ADAMTSL1: variants seen among roughly 807,000 people sequenced by gnomAD.
ADAMTSL1 encodes ADAMTS-like protein 1.
In ADAMTSL1, 126 loss-of-function variants were observed where a neutral mutation model predicts 201.8. The ratio of observed to expected loss-of-function variants is 0.62; its 90% CI spans 0.54 to 0.72. The LOEUF is 0.72. ADAMTSL1 is among the 30% of genes least tolerant of loss of function. The pLI is 0.00. For missense variants in ADAMTSL1, 2,679 were observed against 2,277.8 expected, an observed-to-expected ratio of 1.18 and a Z score of -3.59; for synonymous variants, 1,121 against 903.4, an observed-to-expected ratio of 1.24 and a Z score of -4.32.
At chr9:18,496,771 T>C (rs1822555807) in intron 1 of ADAMTSL1, among the ~76,000 whole-genome samples, 1 of 152,240 alleles carries the variant, frequency 6.6e-6, no homozygotes, top group Admixed American at 6.5e-5. Flanking sequence ...GAGCCTCAGA[T>C]GTTTCCTTAG....
chr9:18,591,156 C>T (rs999046629), intron 4 of ADAMTSL1, among the ~76,000 whole-genome samples: 3 of 152,070 alleles, frequency 2.0e-5, no homozygotes, highest in Non-Finnish European at 1.5e-5. Context: ...CCATCTATCT[C>T]TCCTTTTAGA....
intron 2 of ADAMTSL1, among the ~76,000 whole-genome samples, chr9:18,391,625 C>A (rs1181376144): frequency 6.6e-6 from 1 of 151,910 alleles, no homozygotes; most frequent in African/African-American, 2.4e-5. Context: ...AAGAATGATT[C>A]TCATGCTGAA....
chr9:18,331,435 A>G (rs779182801), intron 2 of ADAMTSL1, among the ~76,000 whole-genome samples: 1 of 152,232 alleles, frequency 6.6e-6, no homozygotes, highest in Non-Finnish European at 1.5e-5. Context: ...CCTCCTGGAT[A>G]TACTGCAGGG....
chr9:18,177,520 A>G (rs1828223982), intron 2 of ADAMTSL1, among the ~76,000 whole-genome samples: 1 of 152,170 alleles, frequency 6.6e-6, no homozygotes. Context: ...CAGAGATAGA[A>G]ATTTCAGGAC....
intron 1 of ADAMTSL1, among the ~76,000 whole-genome samples, chr9:17,939,704 T>C (rs1276479053): frequency 6.6e-6 from 1 of 152,166 alleles, no homozygotes; most frequent in Non-Finnish European, 1.5e-5. Flanking sequence ...GGCCCATTTA[T>C]TGAACACACA....
At chr9:18,856,628 T>C (rs1298928178) in intron 23 of ADAMTSL1, among the ~76,000 whole-genome samples, 1 of 152,056 alleles carries the variant, frequency 6.6e-6, no homozygotes, top group Non-Finnish European at 1.5e-5. Flanking sequence ...TGGCTAATTT[T>C]TGTATTTTTA....
intron 1 of ADAMTSL1, among the ~76,000 whole-genome samples, chr9:18,047,081 G>A (rs538278186): frequency 9.0e-4 from 137 of 152,126 alleles, no homozygotes; most frequent in African/African-American, 3.2e-3. Context: ...TGACAAGGGT[G>A]AAAATAAAAA....
chr9:18,016,693 C>T (rs1820274212), intron 1 of ADAMTSL1, among the ~76,000 whole-genome samples: 4 of 151,900 alleles, frequency 2.6e-5, no homozygotes, highest in Admixed American at 2.0e-4. Flanking sequence ...CTCCCATGTC[C>T]CATCAAGGTG....
intron 2 of ADAMTSL1, among the ~76,000 whole-genome samples, chr9:18,228,742 C>T (rs1830525581): frequency 6.6e-6 from 1 of 152,014 alleles, no homozygotes. Flanking sequence ...GCCTTGCTCT[C>T]ACAGGAAATG....
intron 4 of ADAMTSL1, among the ~76,000 whole-genome samples, chr9:18,584,125 GC>G (rs2132431179): frequency 6.6e-6 from 1 of 152,256 alleles, no homozygotes; most frequent in African/African-American, 2.4e-5. Context: ...ATGTGTTTTG[GC>G]TGTGTCCCCA....
chr9:18,603,430 A>G, intron 4 of ADAMTSL1, among the ~76,000 whole-genome samples: 1 of 151,810 alleles, frequency 6.6e-6, no homozygotes, highest in South Asian at 2.1e-4. Flanking sequence ...ACTGTGCTAT[A>G]CTGTACTATG....
chr9:18,828,693 T>C (rs1176350582), intron 22 of ADAMTSL1, among the ~76,000 whole-genome samples: 2 of 88,158 alleles, frequency 2.3e-5, no homozygotes, highest in South Asian at 3.3e-4. Context: ...TATATATATA[T>C]AAAATGTGTG....
At chr9:18,602,164 C>G (rs142733810) in intron 4 of ADAMTSL1, among the ~76,000 whole-genome samples, 1 of 152,174 alleles carries the variant, frequency 6.6e-6, no homozygotes, top group Non-Finnish European at 1.5e-5. Flanking sequence ...TTGAGTCATT[C>G]TTCTGCTGCC....
intron 2 of ADAMTSL1, among the ~76,000 whole-genome samples, chr9:18,264,434 A>T (rs1480044072): frequency 6.6e-6 from 1 of 152,234 alleles, no homozygotes; most frequent in Middle Eastern, 3.4e-3. Flanking sequence ...ACCACGTAGG[A>T]GAGCTCTCCT....
chr9:18,856,043 G>A (rs1238724794), intron 23 of ADAMTSL1, among the ~76,000 whole-genome samples: 4 of 152,032 alleles, frequency 2.6e-5, no homozygotes, highest in Admixed American at 2.6e-4. Flanking sequence ...AACTTTCCTG[G>A]CATCTCAGAT....
intron 1 of ADAMTSL1, among the ~76,000 whole-genome samples, chr9:18,135,237 T>C (rs7043481): frequency 0.013 from 2,023 of 152,226 alleles, 40 homozygotes; most frequent in African/African-American, 0.047. Context: ...ATAGTCACAA[T>C]TGAATTCTTT....
intron 2 of ADAMTSL1, among the ~76,000 whole-genome samples, chr9:18,317,780 A>T (rs1834462898): frequency 6.6e-6 from 1 of 152,196 alleles, no homozygotes; most frequent in African/African-American, 2.4e-5. Context: ...TGTTTCCATC[A>T]AAACAGTTGG....
At chr9:18,068,875 A>G (rs1025140755) in intron 1 of ADAMTSL1, among the ~76,000 whole-genome samples, 18 of 152,230 alleles carry the variant, frequency 1.2e-4, no homozygotes, top group Admixed American at 5.2e-4. Flanking sequence ...AGTGCTATAC[A>G]GCACTTTACT....
chr9:18,342,916 A>G (rs902682371), intron 2 of ADAMTSL1, among the ~76,000 whole-genome samples: 1 of 152,176 alleles, frequency 6.6e-6, no homozygotes, highest in Admixed American at 6.6e-5. Flanking sequence ...ACTTCCTGTA[A>G]TATAGCTGCT....
Sources: allele counts gnomAD v4.1 joint callset (sites outside exome capture counted in the v4.1 genomes callset), GRCh38; gene constraint gnomAD v4.1.1; transcripts MANE v1.5; gene names NCBI Gene and HGNC (gene_info 2026-07-23, HGNC 2026-07-21).